Variants in DAB1 observed in about 807,000 individuals in gnomAD.
The protein encoded by DAB1 is disabled homolog 1.
Under a neutral mutation model 64.6 loss-of-function variants are expected in DAB1, and 15 were observed. The observed-to-expected ratio is 0.23, with a 90% CI of 0.16 to 0.36. DAB1 has a LOEUF of 0.36. Among genes scored for constraint, DAB1 ranks in the 10% least tolerant of loss-of-function variants. The probability of loss-of-function intolerance (pLI) is 1.00; values close to 1 mark genes in which losing one functional copy is unlikely to be tolerated. For missense variants in DAB1, 596 were observed against 706.7 expected, an observed-to-expected ratio of 0.84 and a Z score of 1.78; for synonymous variants, 235 against 251.9, an observed-to-expected ratio of 0.93 and a Z score of 0.64.
At chr1:58,066,384 T>C (rs1648855717) in intron 5 of DAB1, among the ~76,000 whole-genome samples, 1 of 152,212 alleles carries the variant, frequency 6.6e-6, no homozygotes, top group Non-Finnish European at 1.5e-5. Context: ...AAAACTCTCA[T>C]AAACTTTTTT....
At chr1:57,359,598 A>C (rs1679385472) in intron 1 of DAB1, among the ~76,000 whole-genome samples, 1 of 152,050 alleles carries the variant, frequency 6.6e-6, no homozygotes, top group African/African-American at 2.4e-5. Context: ...AATTATATGC[A>C]AAGGAAATGA....
rs546811818 is a variant in DAB1, at chr1:58,398,521, C to T, written n.258-55118G>A. Reference sequence around the variant, plus strand: ...GTTTTCACATCTGTACCCACTGTGGCGCATCCATAGCAGATCGTAGAGTAT... The same window carrying T: ...GTTTTCACATCTGTACCCACTGTGGTGCATCCATAGCAGATCGTAGAGTAT... On this transcript the variant is annotated intron_variant and non_coding_transcript_variant, in intron 3 of 20. Coordinates refer to the DAB1 transcript ENST00000485760. Among the ~76,000 whole-genome samples the T allele has an allele frequency of 1.3e-4, 20 of 152,336 alleles. 2 individuals are homozygous for T. Among genetic ancestry groups the T allele is most frequent in the Admixed American group, 4.6e-4 (7 of 15,298 alleles).
chr1:57,541,222 A>G (rs1037299275), intron 7 of DAB1, among the ~76,000 whole-genome samples: 19 of 149,910 alleles, frequency 1.3e-4, no homozygotes, highest in Non-Finnish European at 1.8e-4. Context: ...TCTGCCTCCC[A>G]GGTTCACGCC....
Position 57,678,761 on chromosome 1 carries a change from G to GTTTTTTTTT in DAB1, n.552-29097_552-29096insAAAAAAAAA, listed in dbSNP as rs143885937. Among the ~76,000 whole-genome samples, 102 of 135,782 alleles carry GTTTTTTTTT rather than the reference G, an allele frequency of 7.5e-4. 1 individual carries two copies. The highest frequency in any genetic ancestry group is 1.3e-3 in the East Asian group (6 of 4,554). The allele number at this position is 135,782 out of a possible 152,430, so 89.1% of individuals were successfully genotyped here. On this transcript the variant is annotated intron_variant and non_coding_transcript_variant, in intron 6 of 20. Transcript: ENST00000485760. ...CTGGCATTCGTCCAGTGAGGCAACT[G>GTTTTTTTTT]TTTTTTGTTTTTTTTTTCTTTGTTT...
chr1:57,968,196 G>A (rs950332391), intron 5 of DAB1, among the ~76,000 whole-genome samples: 1 of 152,068 alleles, frequency 6.6e-6, no homozygotes, highest in African/African-American at 2.4e-5. Flanking sequence ...GGTCTCCTGT[G>A]TCCTGTTTGT....
chr1:57,481,437 C>T (rs1038616965), intron 7 of DAB1, among the ~76,000 whole-genome samples: 1 of 152,170 alleles, frequency 6.6e-6, no homozygotes, highest in Non-Finnish European at 1.5e-5. Context: ...TTCTGTCAAA[C>T]CTCAGACCCT....
At chr1:57,013,367 T>C (rs529402207) in intron 12 of DAB1, among the ~76,000 whole-genome samples, 1 of 152,320 alleles carries the variant, frequency 6.6e-6, no homozygotes, top group South Asian at 2.1e-4. Flanking sequence ...CACAAGTCCA[T>C]TGAAAGAGAG....
upstream of DAB1, among the ~76,000 whole-genome samples, chr1:57,428,917 GCT>G: frequency 7.2e-6 from 1 of 138,264 alleles, no homozygotes; most frequent in Non-Finnish European, 1.6e-5. Flanking sequence ...GTTGTTGTTT[GCT>G]TTTTTTTTTT....
chr1:58,034,042 T>C (rs982209031), intron 5 of DAB1, among the ~76,000 whole-genome samples: 3 of 152,306 alleles, frequency 2.0e-5, no homozygotes, highest in East Asian at 3.9e-4. Context: ...CCCTTGATTG[T>C]AGTGACTTGC....
At chr1:57,569,660 TG>T (rs1363001569) in intron 7 of DAB1, among the ~76,000 whole-genome samples, 2 of 151,892 alleles carry the variant, frequency 1.3e-5, no homozygotes, top group Admixed American at 6.6e-5. Flanking sequence ...GACAAGTTAA[TG>T]GGGGCATCAC....
intron 4 of DAB1, among the ~76,000 whole-genome samples, chr1:58,155,036 A>T (rs1017941127): frequency 1.7e-4 from 26 of 152,276 alleles, no homozygotes; most frequent in African/African-American, 6.3e-4. Context: ...TCAGATCTCC[A>T]AAAAAGGGCA....
intron 5 of DAB1, among the ~76,000 whole-genome samples, chr1:58,145,929 A>C (rs1654564196): frequency 6.6e-6 from 1 of 152,184 alleles, no homozygotes; most frequent in Non-Finnish European, 1.5e-5. Context: ...TAGCAAGACT[A>C]ACCCCTCCTC....
intron 11 of DAB1, among the ~76,000 whole-genome samples, chr1:57,023,091 G>A (rs1281499668): frequency 6.6e-6 from 1 of 152,168 alleles, no homozygotes; most frequent in East Asian, 1.9e-4. Context: ...ACTTTGTCTG[G>A]GGACCTTCCC....
chr1:57,490,284 G>A (rs1015488647), intron 7 of DAB1, among the ~76,000 whole-genome samples: 5 of 152,080 alleles, frequency 3.3e-5, no homozygotes, highest in African/African-American at 1.2e-4. Context: ...ACATTACTGT[G>A]TTCTAGAAGA....
intron 6 of DAB1, among the ~76,000 whole-genome samples, chr1:57,807,939 G>A (rs1381583657): frequency 6.6e-6 from 1 of 151,786 alleles, no homozygotes; most frequent in Non-Finnish European, 1.5e-5. Flanking sequence ...TAGCTTTATC[G>A]TAAAAATGCA....
intron 1 of DAB1, among the ~76,000 whole-genome samples, chr1:57,297,399 T>C (rs938526553): frequency 3.9e-5 from 6 of 152,140 alleles, no homozygotes; most frequent in Admixed American, 2.6e-4. Flanking sequence ...ATAATATAGC[T>C]GTTTTTAGGA....
At chr1:57,570,882 T>G (rs1201237753) in intron 7 of DAB1, among the ~76,000 whole-genome samples, 7 of 152,180 alleles carry the variant, frequency 4.6e-5, no homozygotes, top group Non-Finnish European at 8.8e-5. Context: ...TTCAGCAGTG[T>G]TTTGTAGTTT....
intron 6 of DAB1, among the ~76,000 whole-genome samples, chr1:57,655,758 AC>A (rs1646311219): frequency 6.6e-6 from 1 of 152,234 alleles, no homozygotes; most frequent in South Asian, 2.1e-4. Context: ...ACAAAAAGTA[AC>A]TTTTGTAAAA....
chr1:57,384,668 T>C (rs1681659001), intron 1 of DAB1, among the ~76,000 whole-genome samples: 1 of 152,212 alleles, frequency 6.6e-6, no homozygotes, highest in Non-Finnish European at 1.5e-5. Context: ...TCTACTTTTA[T>C]GACGTATCTA....
Sources: allele counts gnomAD v4.1 joint callset (sites outside exome capture counted in the v4.1 genomes callset), GRCh38; gene constraint gnomAD v4.1.1; transcripts MANE v1.5; gene names NCBI Gene and HGNC (gene_info 2026-07-23, HGNC 2026-07-21).